KIF3A: variants seen among roughly 807,000 people sequenced by gnomAD.
The protein encoded by KIF3A is kinesin-like protein KIF3A.
In KIF3A, 27 loss-of-function variants were observed where a neutral mutation model predicts 92.6. That is an observed-to-expected ratio of 0.29 (90% CI 0.21 to 0.40). The LOEUF is 0.40. Among genes scored for constraint, KIF3A ranks in the 10% least tolerant of loss-of-function variants. The pLI is 1.00. For synonymous variants in KIF3A, 250 were observed against 275.4 expected (o/e 0.91, Z 0.92); for missense variants, 581 against 872.6 (o/e 0.67, Z 4.21).
Position 132,716,901 on chromosome 5 carries a change from C to A in KIF3A, c.700G>T (p.Gly234Cys). Residue 234 changes from glycine (G) to cysteine (C), a missense_variant, in exon 6 of 19, where the codon GGC (glycine) becomes TGC (cysteine). By Grantham distance (159) the Gly-to-Cys change is radical. This residue lies in a region of KIF3A where 217 missense variants were observed against 299.7 expected (regional missense o/e 0.72). Coordinates refer to ENST00000403231, the MANE Select transcript of KIF3A (RefSeq NM_001300791.2). ...CTGACATGCATGTTACCATCAATGC[C>A]TTTTTCACTGCATTCTATAGTAATT... ...FTITIECSEK[G>C]IDGNMHVRMG... 1.2e-6 allele frequency: 2 copies of A among 1,613,952 alleles called. No homozygotes were observed. Among genetic ancestry groups the A allele is most frequent in the Non-Finnish European group, 1.7e-6 (2 of 1,179,890 alleles).
At chr5:132,723,876 G>A (rs1581093038) in intron 4 of KIF3A, among the ~76,000 whole-genome samples, 1 of 152,108 alleles carries the variant, frequency 6.6e-6, no homozygotes, top group Non-Finnish European at 1.5e-5. Context: ...TACAGAATGG[G>A]AGAACATTTT....
chr5:132,716,006 A>T, intron 7 of KIF3A, 75 bp from the exon 8 acceptor site: 1 of 1,108,882 alleles, frequency 9.0e-7, no homozygotes, highest in Non-Finnish European at 1.3e-6. Context: ...TTACAAATAC[A>T]TCAAAAACAT....
chr5:132,707,863 T>C (rs1753271183), intron 10 of KIF3A, among the ~76,000 whole-genome samples: 1 of 152,128 alleles, frequency 6.6e-6, no homozygotes, highest in South Asian at 2.1e-4. Context: ...ATAAATAAAT[T>C]AAATTAAATA....
chr5:132,706,260 CTT>C (rs1753206405), intron 11 of KIF3A, among the ~76,000 whole-genome samples, 189 bp downstream of exon 11: 1 of 151,854 alleles, frequency 6.6e-6, no homozygotes, highest in Non-Finnish European at 1.5e-5. Flanking sequence ...CTTAATGAGT[CTT>C]TAAGAATTTA....
Position 132,724,806 on chromosome 5 carries a change from A to AAAAAAATTATATAT in KIF3A, c.510+1321_510+1322insATATATAATTTTTT, listed in dbSNP as rs59476182. Among the ~76,000 whole-genome samples the AAAAAAATTATATAT allele has an allele frequency of 1.1e-3, 24 of 22,688 alleles. 2 individuals are homozygous for AAAAAAATTATATAT. Among genetic ancestry groups the AAAAAAATTATATAT allele is most frequent in the East Asian group, 5.2e-3 (3 of 582 alleles). The allele number at this position is 22,688 out of a possible 152,430, so 14.9% of individuals were successfully genotyped here. A position where few individuals can be genotyped will look rare whatever the true frequency, so the allele number is the denominator to read the frequency against. On this transcript the variant is annotated intron_variant, in intron 4 of 18. Coordinates refer to ENST00000403231, the MANE Select transcript of KIF3A (RefSeq NM_001300791.2). ...TTAAAGTATAATAAAAAAAAAAAAAAATATATATATATATATATATATATA... is the reference window on the plus strand; with the variant it reads ...TTAAAGTATAATAAAAAAAAAAAAAAAAAAAATTATATATATATATATATATATATATATATATA...
At chr5:132,725,795 A>C (rs376625845) in intron 4 of KIF3A, among the ~76,000 whole-genome samples, 1 of 152,156 alleles carries the variant, frequency 6.6e-6, no homozygotes, top group Non-Finnish European at 1.5e-5. Context: ...GCTGTTCTAC[A>C]TGTTACTCTA....
At chr5:132,723,462 A>G (rs1434440310) in intron 4 of KIF3A, 1 of 152,250 alleles carries the variant, frequency 6.6e-6, no homozygotes, top group Admixed American at 6.5e-5. Context: ...ATATAGATCA[A>G]TGCAACAGAA....
intron 17 of KIF3A, among the ~76,000 whole-genome samples, chr5:132,699,783 T>C (rs1752968804): frequency 6.6e-6 from 1 of 151,952 alleles, no homozygotes; most frequent in Non-Finnish European, 1.5e-5. Flanking sequence ...AGGATGGTCT[T>C]GATCTCCTGA....
chr5:132,716,184 T>C, intron 7 of KIF3A, 61 bp downstream of exon 7: 2 of 1,325,570 alleles, frequency 1.5e-6, no homozygotes, highest in African/African-American at 1.5e-5. Flanking sequence ...GTATCAATTA[T>C]TGGCATAAAT....
intron 2 of KIF3A, among the ~76,000 whole-genome samples, chr5:132,727,151 T>A (rs1416666120): frequency 6.6e-6 from 1 of 152,204 alleles, no homozygotes; most frequent in African/African-American, 2.4e-5. Flanking sequence ...AAGATGACAA[T>A]ACAATTATTA....
downstream of KIF3A, among the ~76,000 whole-genome samples, chr5:132,690,074 C>T (rs529701825): frequency 1.3e-5 from 2 of 152,174 alleles, no homozygotes; most frequent in South Asian, 2.1e-4. Context: ...AAAAATTAGC[C>T]GAGCATGGTG....
chr5:132,730,295 G>A (rs146936967), intron 2 of KIF3A, among the ~76,000 whole-genome samples: 466 of 151,856 alleles, frequency 3.1e-3, no homozygotes, highest in Non-Finnish European at 5.4e-3. Context: ...GGTGAAACCC[G>A]TCCCTACTAA....
chr5:132,688,858 T>G (rs1031306658), downstream of KIF3A, among the ~76,000 whole-genome samples: 2 of 152,192 alleles, frequency 1.3e-5, no homozygotes, highest in African/African-American at 4.8e-5. Context: ...CCAGTTAAAT[T>G]CCTTTGCACA....
chr5:132,734,752 C>T (rs1754337128), intron 1 of KIF3A, among the ~76,000 whole-genome samples: 1 of 152,114 alleles, frequency 6.6e-6, no homozygotes, highest in Non-Finnish European at 1.5e-5. Context: ...AGAAACTGAA[C>T]CAGTATATTA....
At chr5:132,712,857 G>A (rs1402878895) in intron 8 of KIF3A, among the ~76,000 whole-genome samples, 1 of 152,152 alleles carries the variant, frequency 6.6e-6, no homozygotes, top group Non-Finnish European at 1.5e-5. Context: ...GCTAGACATC[G>A]TCATTAAAAA....
chr5:132,691,482 G>C (rs968155704), downstream of KIF3A, among the ~76,000 whole-genome samples: 1 of 151,538 alleles, frequency 6.6e-6, no homozygotes, highest in African/African-American at 2.4e-5. Context: ...GGGGGGCGGA[G>C]ATTGCAGTGA....
chr5:132,735,981 G>C (rs1050773004), intron 1 of KIF3A, among the ~76,000 whole-genome samples: 7 of 152,136 alleles, frequency 4.6e-5, no homozygotes, highest in Admixed American at 2.6e-4. Context: ...CTTCTACCTA[G>C]AACCATCTTC....
At chr5:132,691,986 A>AT (rs1430340856), downstream of KIF3A, among the ~76,000 whole-genome samples, 1 of 150,686 alleles carries the variant, frequency 6.6e-6, no homozygotes, top group Admixed American at 6.6e-5. Flanking sequence ...ATAAAATTTA[A>AT]TTAAAAAAAA....
intron 15 of KIF3A, among the ~76,000 whole-genome samples, chr5:132,701,578 T>C (rs775405697): frequency 7.0e-6 from 1 of 143,402 alleles, no homozygotes; most frequent in Non-Finnish European, 1.5e-5. Flanking sequence ...TTAAAAAAAA[T>C]AGAGGCTGAG....
Sources: allele counts gnomAD v4.1 joint callset (sites outside exome capture counted in the v4.1 genomes callset), GRCh38; gene constraint gnomAD v4.1.1; regional missense constraint gnomAD v4.1.1; transcripts MANE v1.5; gene names NCBI Gene and HGNC (gene_info 2026-07-23, HGNC 2026-07-21).